The following ZNF816 variants were observed in gnomAD, a reference collection of about 807,000 sequenced individuals.
ZNF816 encodes the protein zinc finger protein 816A.
A neutral mutation model predicts 8.3 loss-of-function variants in ZNF816; 11 were observed. The observed-to-expected ratio is 1.32, with a 90% CI of 0.83 to 2.19. The LOEUF (loss-of-function observed/expected upper bound fraction) is 2.19. ZNF816 is among the 30% of genes most tolerant of loss of function. The pLI, the probability that ZNF816 is intolerant of heterozygous loss-of-function variation, is 0.00. For synonymous variants in ZNF816, 255 were observed against 254.5 expected (o/e 1.00, Z -0.02); for missense variants, 710 against 779.3 (o/e 0.91, Z 1.06).
chr19:52,961,652 G>T (rs1353590263), intron 1 of ZNF816, among the ~76,000 whole-genome samples: 1 of 152,224 alleles, frequency 6.6e-6, no homozygotes, highest in Non-Finnish European at 1.5e-5. Flanking sequence ...TGCCATTTTA[G>T]TCCGAGGGGA....
intron 3 of ZNF816, 45 bp from the exon 4 acceptor site, chr19:52,951,629 G>A (rs769730204): frequency 6.9e-7 from 1 of 1,454,866 alleles, no homozygotes; most frequent in Admixed American, 2.3e-5. Flanking sequence ...AGTACAGATG[G>A]TAAATAATAG....
At chr19:52,960,390 T>G (rs900608680) in intron 1 of ZNF816, among the ~76,000 whole-genome samples, 2 of 152,214 alleles carry the variant, frequency 1.3e-5, no homozygotes, top group Non-Finnish European at 2.9e-5. Flanking sequence ...CTTCGAGATC[T>G]TATTCCTAGA....
chr19:52,959,609 A>G (rs2083539505), intron 1 of ZNF816, among the ~76,000 whole-genome samples: 1 of 152,218 alleles, frequency 6.6e-6, no homozygotes. Context: ...CTTAGAACTC[A>G]GTGAAGGTAA....
At chr19:52,953,168 G>A (rs1248828325) in intron 2 of ZNF816, 1 of 307,350 alleles carries the variant, frequency 3.3e-6, no homozygotes, top group Non-Finnish European at 5.9e-6. Context: ...GACCAAGGCA[G>A]GTGGATCTCC....
intron 3 of ZNF816, 71 bp downstream of exon 3, chr19:52,952,680 G>T: frequency 6.2e-7 from 1 of 1,600,144 alleles, no homozygotes; most frequent in Non-Finnish European, 8.5e-7. Flanking sequence ...TCACAAAAGA[G>T]AATATAAAAC....
chr19:52,961,839 G>A (rs74505432), intron 1 of ZNF816, among the ~76,000 whole-genome samples: 1 of 152,170 alleles, frequency 6.6e-6, no homozygotes, highest in Non-Finnish European at 1.5e-5. Context: ...GTTGGAGACC[G>A]ATGGCCTCAG....
intron 2 of ZNF816, among the ~76,000 whole-genome samples, chr19:52,955,585 A>T (rs2083502928): frequency 6.6e-6 from 1 of 152,214 alleles, no homozygotes; most frequent in Admixed American, 6.5e-5. Flanking sequence ...ATGCATTACA[A>T]AATCAGACAC....
chr19:52,961,004 T>C (rs2083552002), intron 1 of ZNF816, among the ~76,000 whole-genome samples: 2 of 152,220 alleles, frequency 1.3e-5, no homozygotes, highest in South Asian at 4.1e-4. Context: ...CTGACCTTCC[T>C]CAAACTAAGG....
At chr19:52,954,552 G>T (rs1201008881) in intron 2 of ZNF816, among the ~76,000 whole-genome samples, 1 of 151,620 alleles carries the variant, frequency 6.6e-6, no homozygotes, top group African/African-American at 2.4e-5. Context: ...CAGACCGGGA[G>T]CAGGGCTCAC....
At chr19:52,956,257 C>T in intron 1 of ZNF816, 153 bp from the exon 2 acceptor site, 1 of 817,012 alleles carries the variant, frequency 1.2e-6, no homozygotes, top group Non-Finnish European at 1.9e-6. Flanking sequence ...GAAAGTTCCA[C>T]AGGAAGACCT....
rs187574014 is a variant in ZNF816 at position 52,957,723 on chromosome 19, C to G, written c.-15-1619G>C. 1.1e-3 allele frequency among the ~76,000 whole-genome samples: 171 copies of G among 152,268 alleles called. 1 individual carries two copies. Among genetic ancestry groups the G allele is most frequent in the Middle Eastern group, 0.01 (3 of 294 alleles). On this transcript the variant is annotated intron_variant, in intron 1 of 3. Transcript: ENST00000444460. The surrounding 1 kb of genome is among the most constrained non-coding windows in gnomAD (Gnocchi z 4.6). Reference sequence around the variant, plus strand: ...TTTTATCAAAGCAAGCTTTCTGTTGCCCCAGACTTGTACTGTAGGAAGACA... The same window carrying G: ...TTTTATCAAAGCAAGCTTTCTGTTGGCCCAGACTTGTACTGTAGGAAGACA...
At position 52,956,287 on chromosome 19, in the gene ZNF816, G is replaced by A. The variant is rs193096949; in HGVS notation, c.-15-183C>T. ...AGACCTACAAATGTAATTTTGACCCGTTTTCAGATCTTGCTCCCCTCCTGG... is the reference window on the plus strand; with the variant it reads ...AGACCTACAAATGTAATTTTGACCCATTTTCAGATCTTGCTCCCCTCCTGG... On this transcript the variant is annotated intron_variant, in intron 1 of 3. Coordinates refer to ENST00000444460, the MANE Select transcript of ZNF816 (RefSeq NM_001202457.3). 748 of 611,814 alleles carry A rather than the reference G, an allele frequency of 1.2e-3. 1 individual carries two copies. Among genetic ancestry groups the A allele is most frequent in the Middle Eastern group, 7.4e-3 (16 of 2,166 alleles). 37.9% of individuals were successfully genotyped at this position (611,814 alleles called of 1,614,324 possible). A position where few individuals can be genotyped will look rare whatever the true frequency, so the allele number is the denominator to read the frequency against.
At chr19:52,960,270 T>C in intron 1 of ZNF816, 1 of 268,788 alleles carries the variant, frequency 3.7e-6, no homozygotes, top group Admixed American at 4.1e-5. Context: ...CAGGTGGACT[T>C]CACAGAAATG....
intron 2 of ZNF816, 103 bp downstream of exon 2, chr19:52,955,924 G>T: frequency 7.0e-7 from 1 of 1,435,730 alleles, no homozygotes; most frequent in Non-Finnish European, 9.5e-7. Context: ...GCGAGCAAAC[G>T]TGTGATGTAG....
rs138373839 is a variant in ZNF816 at position 52,951,246 on chromosome 19, T to A, written c.529A>T (p.Ser177Cys). The change falls in exon 4 of 4, where the codon AGT becomes TGT. Residue 177 changes from serine (S) to cysteine (C), a missense_variant. Coordinates refer to ENST00000444460, the MANE Select transcript of ZNF816 (RefSeq NM_001202457.3). The stretch of plus-strand genomic sequence containing the variant: ...CCGATAGACTTGTCCAATTGGTTAC[T>A]AATTTTCCCTTTAGTCTGAAACATG... The part of the protein sequence containing the change: ...LHMFQTKGKI[S>C]NQLDKSIGAS... 6.2e-7 allele frequency: 1 copy of A among 1,614,202 alleles called. No homozygotes were observed. Among genetic ancestry groups the A allele is most frequent in the South Asian group, 1.1e-5 (1 of 91,092 alleles).
In ZNF816 at chr19:52,950,064, C is replaced by T; in HGVS notation, c.1711G>A (p.Ala571Thr). The T allele has an allele frequency of 6.2e-7, 1 of 1,614,030 alleles. No individual in the cohort carries two copies. Among genetic ancestry groups the T allele is most frequent in the Non-Finnish European group, 8.5e-7 (1 of 1,179,974 alleles). Residue 571 changes from alanine to threonine, a missense_variant, in exon 4 of 4, where the codon GCG becomes ACG. Physicochemically the swap from Ala to Thr is moderately conservative, Grantham distance 58 (BLOSUM62 0). Coordinates refer to ENST00000444460, the MANE Select transcript of ZNF816 (RefSeq NM_001202457.3). ...ATTCCTTTTTGATTAAAAACCTTCG[C>T]ACATTTATTACACTTGTAAGGTTTC... ...GEKPYKCNKC[A>T]KVFNQKGILA... is the part of the protein sequence containing the mutation.
chr19:52,949,996 G>T lies in ZNF816; in HGVS notation c.1779C>A (p.Tyr593Ter). The T allele has an allele frequency of 1.2e-6, 2 of 1,614,002 alleles. No individual in the cohort carries two copies. Among genetic ancestry groups the T allele is most frequent in the Non-Finnish European group, 1.7e-6 (2 of 1,179,934 alleles). Residue 593 changes from tyrosine (Y) to a stop codon, truncating the protein, a stop_gained, in exon 4 of 4, where the codon TAC becomes TAA. Transcript: ENST00000444460. LOFTEE classifies it low-confidence loss of function (END_TRUNC). ...AAACCTTGCCACATTCATTACACTT[G>T]TAAGGTTTCTCTCCAGTATGAACTC... is the stretch of plus-strand genomic sequence containing the variant. ...HQRVHTGEKP[Y>*]KCNECGKVFN...
Position 52,949,679 on chromosome 19 carries a change from T to C in ZNF816, c.*140A>G. The C allele has an allele frequency of 7.9e-7, 1 of 1,269,330 alleles. No individual in the cohort carries two copies. Among genetic ancestry groups the C allele is most frequent in the Non-Finnish European group, 1.1e-6 (1 of 876,038 alleles). 78.6% of individuals were successfully genotyped at this position (1,269,330 alleles called of 1,614,324 possible). ...ATATTTGTAAGGTTTCTCTCCAGTA[T>C]GAGTTCACTGATGAACTACAAGTTA... is the stretch of plus-strand genomic sequence containing the variant. On this transcript the variant is annotated 3_prime_UTR_variant, in exon 4 of 4. Coordinates refer to ENST00000444460, the MANE Select transcript of ZNF816 (RefSeq NM_001202457.3).
intron 1 of ZNF816, among the ~76,000 whole-genome samples, chr19:52,959,007 G>A (rs1045035222): frequency 6.6e-6 from 1 of 152,248 alleles, no homozygotes. Context: ...GTTTCTGAGA[G>A]AGAAAATACG....
Sources: gnomAD v4.1 joint callset for allele counts (sites outside exome capture counted in the v4.1 genomes callset) on GRCh38, gnomAD v4.1.1 for gene constraint, Gnocchi (gnomAD v3.1) non-coding constraint, MANE v1.5 for transcripts, NCBI Gene and HGNC (gene_info 2026-07-23, HGNC 2026-07-21) for gene names.